The following NOPCHAP1 variants were observed in gnomAD, a reference collection of about 807,000 sequenced individuals.
The protein encoded by NOPCHAP1 is DNA damage-sensitive RNA 1.
Under a neutral mutation model 14.0 loss-of-function variants are expected in NOPCHAP1, and 13 were observed. The ratio of observed to expected loss-of-function variants is 0.93; its 90% CI spans 0.60 to 1.47. NOPCHAP1 has a LOEUF of 1.47. Ranked by LOEUF, NOPCHAP1 falls within the 40% of genes most tolerant of loss-of-function variation. The pLI is 0.00. For synonymous variants in NOPCHAP1, 78 were observed against 78.4 expected, an observed-to-expected ratio of 1.00 and a Z score of 0.03; for missense variants, 230 against 226.9, an observed-to-expected ratio of 1.01 and a Z score of -0.09.
Position 105,009,655 on chromosome 12 carries a change from TGA to T in NOPCHAP1, c.*14963_*14964del. ...TATGTTCCATCAGTACCTAGTTTAT[TGA>T]GAGTTTTTAGCATGAAGGGGTGTTG... On this transcript the variant is annotated 3_prime_UTR_variant, in exon 4 of 4. Coordinates refer to ENST00000552951, the MANE Select transcript of NOPCHAP1 (RefSeq NM_152318.3). 1 of 152,338 alleles carries T rather than the reference TGA, an allele frequency of 6.6e-6. No individual in the cohort carries two copies. Among genetic ancestry groups the T allele is most frequent in the Middle Eastern group, 3.4e-3 (1 of 294 alleles). 9.4% of individuals were successfully genotyped at this position (152,338 alleles called of 1,614,324 possible).
In NOPCHAP1 at chr12:104,992,133, C is replaced by T. The variant is rs58734837; in HGVS notation, c.339+285C>T. On this transcript the variant is annotated intron_variant, in intron 3 of 3. Transcript: ENST00000552951. ...CTGTCCAAGCCCCAAAAGAGGTAAT[C>T]ATAGCCTGATTTATTGAGTATGCAA... Among the ~76,000 whole-genome samples the T allele has an allele frequency of 3.5e-3, 532 of 152,258 alleles. 10 individuals are homozygous for T. The highest frequency in any genetic ancestry group is 0.012 in the African/African-American group (489 of 41,524).
intron 2 of NOPCHAP1, among the ~76,000 whole-genome samples, chr12:104,989,935 G>T (rs184286759): frequency 1.3e-5 from 2 of 152,294 alleles, no homozygotes; most frequent in East Asian, 3.9e-4. Context: ...ATCTCTAGAA[G>T]TTTGAGACTG....
intron 3 of NOPCHAP1, among the ~76,000 whole-genome samples, chr12:104,994,163 G>A (rs1873442736): frequency 6.6e-6 from 1 of 152,090 alleles, no homozygotes; most frequent in South Asian, 2.1e-4. Context: ...TGGCCAACAG[G>A]GTGAAACCCC....
chr12:104,993,366 GA>G (rs1214915756), intron 3 of NOPCHAP1, among the ~76,000 whole-genome samples: 8 of 151,536 alleles, frequency 5.3e-5, no homozygotes, highest in Non-Finnish European at 8.8e-5. Context: ...TTTTATTGGG[GA>G]AAAAAAACCT....
In NOPCHAP1 at chr12:105,005,055, G is replaced by A. The variant is rs1165756425; in HGVS notation, c.*10359G>A. On this transcript the variant is annotated 3_prime_UTR_variant, in exon 4 of 4. Coordinates refer to ENST00000552951, the MANE Select transcript of NOPCHAP1 (RefSeq NM_152318.3). ...TCTTCAGGTTGAGTAGGTTGAGGAGGAGGAAGCAGAGGGGTTGGCACAGGT... is the reference window on the plus strand; with the variant it reads ...TCTTCAGGTTGAGTAGGTTGAGGAGAAGGAAGCAGAGGGGTTGGCACAGGT... 1 of 152,216 alleles carries A rather than the reference G, an allele frequency of 6.6e-6. No homozygotes were observed. The highest frequency in any genetic ancestry group is 1.5e-5 in the Non-Finnish European group (1 of 68,046). 9.4% of individuals were successfully genotyped at this position (152,216 alleles called of 1,614,324 possible). A position where few individuals can be genotyped will look rare whatever the true frequency, so the allele number is the denominator to read the frequency against.
intron 1 of NOPCHAP1, among the ~76,000 whole-genome samples, chr12:104,987,717 G>T (rs1026210875): frequency 2.0e-5 from 3 of 152,126 alleles, no homozygotes; most frequent in African/African-American, 7.2e-5. Flanking sequence ...ACGTCTTCAG[G>T]GAAGGGGAAA....
chr12:104,992,441 C>T (rs1017173177), intron 3 of NOPCHAP1, among the ~76,000 whole-genome samples: 1 of 152,244 alleles, frequency 6.6e-6, no homozygotes, highest in African/African-American at 2.4e-5. Context: ...AGTATTGCAG[C>T]AATTTCTTAG....
Position 105,011,740 on chromosome 12 carries a change from C to T in NOPCHAP1, c.*17044C>T, listed in dbSNP as rs571596449. 1.4e-4 allele frequency: 21 copies of T among 152,238 alleles called. No homozygotes were observed. Among genetic ancestry groups the T allele is most frequent in the East Asian group, 9.6e-4 (5 of 5,182 alleles). The allele number at this position is 152,238 out of a possible 1,614,324, so 9.4% of individuals were successfully genotyped here. A position where few individuals can be genotyped will look rare whatever the true frequency, so the allele number is the denominator to read the frequency against. ...TCTGTAAAGGATTTTATTTCTCGTT[C>T]GCTTATGAAGCTTAGTTTGGCTGGA... On this transcript the variant is annotated 3_prime_UTR_variant, in exon 4 of 4. Coordinates refer to ENST00000552951, the MANE Select transcript of NOPCHAP1 (RefSeq NM_152318.3).
chr12:104,994,584 A>G lies in NOPCHAP1; in HGVS notation c.446A>G (p.Asp149Gly), dbSNP rs779076625. The change falls in exon 4 of 4, where the codon GAT becomes GGT. Residue 149 changes from aspartate (D) to glycine (G), a missense_variant. By Grantham distance (94) the Asp-to-Gly change is moderately conservative. Transcript: ENST00000552951. ...SENSSESEDE[D>G]DSIPSEVTID... ...AACAGTTCAGAATCAGAAGACGAAG[A>G]TGACAGCATCCCATCTGAAGTCACC... is the stretch of plus-strand genomic sequence containing the variant. 3.1e-6 allele frequency: 5 copies of G among 1,613,254 alleles called. No homozygotes were observed. In the African/African-American group the frequency reaches 6.7e-5, roughly 22 times the overall value.
At position 104,998,613 on chromosome 12, in the gene NOPCHAP1, A is replaced by G. The variant is rs1245715836; in HGVS notation, c.*3917A>G. ...AACACTTCAATGGGTGGTGCCAGCC[A>G]AAGTGCTTTGTATGGCAGTGGCAGT... On this transcript the variant is annotated 3_prime_UTR_variant, in exon 4 of 4. Transcript: ENST00000552951. 7 of 152,508 alleles carry G rather than the reference A, an allele frequency of 4.6e-5. No homozygotes were observed. The highest frequency in any genetic ancestry group is 1.7e-4 in the African/African-American group (7 of 41,576). The allele number at this position is 152,508 out of a possible 1,614,324, so 9.4% of individuals were successfully genotyped here.
At chr12:104,990,791 G>C (rs531860640) in intron 2 of NOPCHAP1, among the ~76,000 whole-genome samples, 1 of 152,300 alleles carries the variant, frequency 6.6e-6, no homozygotes, top group Non-Finnish European at 1.5e-5. Flanking sequence ...TATTAATTAG[G>C]ATTCTTGGTT....
chr12:104,987,826 A>G (rs1463851103), intron 1 of NOPCHAP1, among the ~76,000 whole-genome samples: 1 of 152,208 alleles, frequency 6.6e-6, no homozygotes, highest in Non-Finnish European at 1.5e-5. Flanking sequence ...GGCTTCACTT[A>G]ACCATTGTTA....
chr12:104,991,829 A>C lies in NOPCHAP1; in HGVS notation c.320A>C (p.His107Pro). The C allele has an allele frequency of 6.2e-7, 1 of 1,610,138 alleles. No individual in the cohort carries two copies. Among genetic ancestry groups the C allele is most frequent in the East Asian group, 2.2e-5 (1 of 44,846 alleles). ...AATATTGAAAACATTGATGGGCCTC[A>C]TAGTAAAGTTATACAAATGGTAACT... Reference protein sequence around the residue: ...RFNIENIDGPHSKVIQMDVAL... With the variant: ...RFNIENIDGPPSKVIQMDVAL... The change falls in exon 3 of 4, where the codon CAT (histidine) becomes CCT (proline). Residue 107 changes from histidine to proline, a missense_variant. Physicochemically the swap from His to Pro is moderately conservative, Grantham distance 77. Coordinates refer to ENST00000552951, the MANE Select transcript of NOPCHAP1 (RefSeq NM_152318.3).
rs1197734756 is a variant in NOPCHAP1, at chr12:105,016,984, GT to G, written c.*22290del. 1.3e-5 allele frequency: 2 copies of G among 152,186 alleles called. No homozygotes were observed. The highest frequency in any genetic ancestry group is 4.8e-5 in the African/African-American group (2 of 41,450). The allele number at this position is 152,186 out of a possible 1,614,324, so 9.4% of individuals were successfully genotyped here. A position where few individuals can be genotyped will look rare whatever the true frequency, so the allele number is the denominator to read the frequency against. The stretch of plus-strand genomic sequence containing the variant: ...GTTGCACTCCTAAAATGAGTGAAAT[GT>G]TCTCTTCAAACTTGTGGCGTACCGT... On this transcript the variant is annotated 3_prime_UTR_variant, in exon 4 of 4. Transcript: ENST00000552951.
rs1873934056 is a variant in NOPCHAP1 at position 105,015,896 on chromosome 12, A to G, written c.*21200A>G. Reference sequence around the variant, plus strand: ...CATATCATATGCAAAGATAAATTATATATGGATTAAGGATTTAAATGTAAA... The same window carrying G: ...CATATCATATGCAAAGATAAATTATGTATGGATTAAGGATTTAAATGTAAA... On this transcript the variant is annotated 3_prime_UTR_variant, in exon 4 of 4. Coordinates refer to ENST00000552951, the MANE Select transcript of NOPCHAP1 (RefSeq NM_152318.3). The G allele has an allele frequency of 6.6e-6, 1 of 152,156 alleles. No individual in the cohort carries two copies. The highest frequency in any genetic ancestry group is 1.5e-5 in the Non-Finnish European group (1 of 68,040). The allele number at this position is 152,156 out of a possible 1,614,324, so 9.4% of individuals were successfully genotyped here. A position where few individuals can be genotyped will look rare whatever the true frequency, so the allele number is the denominator to read the frequency against.
At position 104,996,756 on chromosome 12, in the gene NOPCHAP1, T is replaced by C. The variant is rs1167774027; in HGVS notation, c.*2060T>C. On this transcript the variant is annotated 3_prime_UTR_variant, in exon 4 of 4. Coordinates refer to ENST00000552951, the MANE Select transcript of NOPCHAP1 (RefSeq NM_152318.3). ...GCTCTCTTTGTAGGTCTCTGAATGC[T>C]TGCTTTATGAATCTGGGTGCTTCTC... The C allele has an allele frequency of 3.3e-5, 5 of 152,372 alleles. No homozygotes were observed. Among genetic ancestry groups the C allele is most frequent in the African/African-American group, 1.2e-4 (5 of 41,588 alleles). The allele number at this position is 152,372 out of a possible 1,614,324, so 9.4% of individuals were successfully genotyped here. A position where few individuals can be genotyped will look rare whatever the true frequency, so the allele number is the denominator to read the frequency against.
intron 2 of NOPCHAP1, 51 bp from the exon 3 acceptor site, chr12:104,991,661 T>C: frequency 6.6e-7 from 1 of 1,521,940 alleles, no homozygotes; most frequent in Non-Finnish European, 8.8e-7. Context: ...AAATCCTGGG[T>C]TTCAGAATTT....
rs1286344245 is a variant in NOPCHAP1 at position 105,003,700 on chromosome 12, C to G, written c.*9004C>G. ...AATTAAATTTAACAGTTTGTTTGAG[C>G]AAAGAACAATTTTATGAATTAGCAC... On this transcript the variant is annotated 3_prime_UTR_variant, in exon 4 of 4. Coordinates refer to ENST00000552951, the MANE Select transcript of NOPCHAP1 (RefSeq NM_152318.3). 1 of 152,164 alleles carries G rather than the reference C, an allele frequency of 6.6e-6. No individual in the cohort carries two copies. The highest frequency in any genetic ancestry group is 2.4e-5 in the African/African-American group (1 of 41,434). The allele number at this position is 152,164 out of a possible 1,614,324, so 9.4% of individuals were successfully genotyped here. A position where few individuals can be genotyped will look rare whatever the true frequency, so the allele number is the denominator to read the frequency against.
intron 3 of NOPCHAP1, 75 bp from the exon 4 acceptor site, chr12:104,994,403 C>A (rs11112287): frequency 0.16 from 202,703 of 1,298,030 alleles, 22,775 homozygotes; most frequent in East Asian, 0.54. Flanking sequence ...AATGTTGGTT[C>A]TTCCCAATAT....
Sources: allele counts gnomAD v4.1 joint callset (sites outside exome capture counted in the v4.1 genomes callset), GRCh38; gene constraint gnomAD v4.1.1; transcripts MANE v1.5; gene names NCBI Gene and HGNC (gene_info 2026-07-23, HGNC 2026-07-21).